Variants in SDK1 observed in about 807,000 individuals in gnomAD.
SDK1 encodes sidekick cell adhesion molecule 1, also known as protein sidekick-1.
SDK1 carries 157 observed loss-of-function variants against 245.5 expected under a neutral mutation model. The ratio of observed to expected loss-of-function variants is 0.64; its 90% CI spans 0.56 to 0.73. The LOEUF (loss-of-function observed/expected upper bound fraction) is 0.73. Ranked by LOEUF, SDK1 falls within the 30% of genes least tolerant of loss-of-function variation. The pLI is 0.00. For missense variants in SDK1, 3,583 were observed against 3,002.3 expected, an observed-to-expected ratio of 1.19 and a Z score of -4.52; for synonymous variants, 1,647 against 1,278.5, an observed-to-expected ratio of 1.29 and a Z score of -6.15.
At chr7:4,007,133 T>A (rs1785543473) in intron 14 of SDK1, among the ~76,000 whole-genome samples, 1 of 152,216 alleles carries the variant, frequency 6.6e-6, no homozygotes, top group African/African-American at 2.4e-5. Flanking sequence ...GAGTCCAGTA[T>A]CAGTCAAGCT....
intron 1 of SDK1, among the ~76,000 whole-genome samples, chr7:3,561,428 T>C (rs1461745917): frequency 2.6e-5 from 4 of 152,122 alleles, no homozygotes; most frequent in African/African-American, 4.8e-5. Flanking sequence ...TTCATAGGTG[T>C]GTTTCTACGT....
chr7:3,760,871 A>G (rs1780076697), intron 4 of SDK1, among the ~76,000 whole-genome samples: 2 of 152,252 alleles, frequency 1.3e-5, no homozygotes, highest in African/African-American at 2.4e-5. Context: ...GTGTGAATCA[A>G]CAGTTCATTC....
intron 1 of SDK1, among the ~76,000 whole-genome samples, chr7:3,510,145 G>T (rs894098783): frequency 6.6e-6 from 1 of 152,164 alleles, no homozygotes; most frequent in Admixed American, 6.5e-5. Flanking sequence ...TGTGTTCCCA[G>T]TGCCTGGACC....
At chr7:4,174,104 G>A in intron 32 of SDK1, 118 bp from the exon 33 acceptor site, 1 of 1,114,814 alleles carries the variant, frequency 9.0e-7, no homozygotes, top group African/African-American at 1.5e-5. Context: ...CCTGTCGCTG[G>A]AACCCACGAC....
chr7:4,225,916 C>T (rs1308174250), intron 40 of SDK1, among the ~76,000 whole-genome samples: 6 of 151,454 alleles, frequency 4.0e-5, no homozygotes, highest in African/African-American at 1.5e-4. Flanking sequence ...TCTCCCCTTT[C>T]GGATCATGAA....
At chr7:4,231,278 T>C (rs867449574) in intron 40 of SDK1, among the ~76,000 whole-genome samples, 4 of 151,580 alleles carry the variant, frequency 2.6e-5, no homozygotes, top group African/African-American at 9.7e-5. Context: ...TATTTAGAAA[T>C]AATGGCCAGG....
chr7:3,552,120 G>C (rs978007333), intron 1 of SDK1, among the ~76,000 whole-genome samples: 4 of 151,860 alleles, frequency 2.6e-5, no homozygotes, highest in African/African-American at 7.3e-5. Flanking sequence ...CTCACTGCAA[G>C]CTCCACCTCC....
At chr7:3,741,333 C>T (rs767834784) in intron 4 of SDK1, among the ~76,000 whole-genome samples, 8 of 152,182 alleles carry the variant, frequency 5.3e-5, no homozygotes, top group Non-Finnish European at 1.0e-4. Context: ...ATCCCCAGCC[C>T]CCTGTTCTCC....
At position 3,516,092 on chromosome 7, in the gene SDK1, C is replaced by T. The variant is rs944934442; in HGVS notation, c.299-102988C>T. ...AAAATTGTAGAACTCACCTTTGTTC[C>T]TGTTCTTTAATTCAGAAGATATTTT... On this transcript the variant is annotated intron_variant, in intron 1 of 44. Transcript: ENST00000404826. Among the ~76,000 whole-genome samples the T allele has an allele frequency of 5.4e-5, 8 of 148,014 alleles. No homozygotes were observed. The East Asian group carries it at 1.6e-3, about 29-fold the overall frequency.
intron 19 of SDK1, among the ~76,000 whole-genome samples, chr7:4,057,524 A>G (rs111825502): frequency 3.9e-5 from 6 of 152,170 alleles, no homozygotes; most frequent in African/African-American, 1.4e-4. Context: ...GTCACTGCCT[A>G]TAGCATGCCT....
At position 4,258,803 on chromosome 7, in the gene SDK1, G is replaced by A. The variant is rs563582896; in HGVS notation, c.6382-6321G>A. Among the ~76,000 whole-genome samples the A allele has an allele frequency of 1.3e-5, 2 of 152,308 alleles. 1 individual carries two copies. Among genetic ancestry groups the A allele is most frequent in the African/African-American group, 4.8e-5 (2 of 41,568 alleles). On this transcript the variant is annotated intron_variant, in intron 44 of 44. Transcript: ENST00000404826. ...GGAATATAGTCAAAAGAGGGTGAAA[G>A]TCTTGAACCTCATATTTGACCTTCA... is the stretch of plus-strand genomic sequence containing the variant.
intron 1 of SDK1, among the ~76,000 whole-genome samples, chr7:3,334,526 C>CGGAGGTGGATCCT (rs1780150456): frequency 6.6e-6 from 1 of 152,030 alleles, no homozygotes; most frequent in Admixed American, 6.5e-5. Flanking sequence ...CTGAGGCTCT[C>CGGAGGTGGATCCT]GGAGGTGGAT....
intron 4 of SDK1, among the ~76,000 whole-genome samples, chr7:3,733,211 T>A (rs2115043148): frequency 6.6e-6 from 1 of 152,356 alleles, no homozygotes; most frequent in East Asian, 1.9e-4. Flanking sequence ...TATTACCTTA[T>A]GTCCTTAAAT....
chr7:4,153,850 ATT>A (rs11284693), intron 30 of SDK1, among the ~76,000 whole-genome samples: 38 of 148,758 alleles, frequency 2.6e-4, no homozygotes, highest in Admixed American at 3.4e-4. Flanking sequence ...CTAATGTTTA[ATT>A]TTTTTTTTTT....
At chr7:3,844,456 C>G (rs902867365) in intron 5 of SDK1, among the ~76,000 whole-genome samples, 4 of 152,190 alleles carry the variant, frequency 2.6e-5, no homozygotes, top group African/African-American at 9.6e-5. Context: ...TTGATGTGCT[C>G]AGCTGGATGG....
chr7:3,922,713 A>G (rs1454014351), intron 5 of SDK1, among the ~76,000 whole-genome samples: 1 of 152,326 alleles, frequency 6.6e-6, no homozygotes, highest in Non-Finnish European at 1.5e-5. Context: ...CAAAGCGTGC[A>G]CGTTTTACTG....
intron 22 of SDK1, among the ~76,000 whole-genome samples, chr7:4,086,576 A>G (rs1343974262): frequency 6.6e-6 from 1 of 152,048 alleles, no homozygotes; most frequent in Non-Finnish European, 1.5e-5. Context: ...TCATCTTCAG[A>G]GCAGCCGGGG....
At chr7:4,151,582 C>T (rs548288004) in intron 30 of SDK1, among the ~76,000 whole-genome samples, 6 of 152,200 alleles carry the variant, frequency 3.9e-5, no homozygotes, top group Non-Finnish European at 8.8e-5. Context: ...GATCTAGTCA[C>T]TCAGCTTCCA....
chr7:3,755,198 C>A (rs889232293), intron 4 of SDK1, among the ~76,000 whole-genome samples: 3 of 152,098 alleles, frequency 2.0e-5, no homozygotes, highest in African/African-American at 7.2e-5. Context: ...CCTGGGGAAG[C>A]CGGAAGTGGG....
Sources: gnomAD v4.1 joint callset for allele counts (sites outside exome capture counted in the v4.1 genomes callset) on GRCh38, gnomAD v4.1.1 for gene constraint, MANE v1.5 for transcripts, NCBI Gene and HGNC (gene_info 2026-07-23, HGNC 2026-07-21) for gene names.